APLF: variants seen among roughly 807,000 people sequenced by gnomAD.
APLF encodes aprataxin and PNKP like factor, also known as aprataxin and PNK-like factor.
APLF carries 61 observed loss-of-function variants against 55.6 expected under a neutral mutation model. The ratio of observed to expected loss-of-function variants is 1.10; its 90% CI spans 0.89 to 1.36. APLF has a LOEUF of 1.36. Among genes scored for constraint, APLF ranks in the 40% most tolerant of loss-of-function variants. The probability of loss-of-function intolerance (pLI) is 0.00; values close to 1 mark genes in which losing one functional copy is unlikely to be tolerated. For synonymous variants in APLF, 207 were observed against 214.8 expected, an observed-to-expected ratio of 0.96 and a Z score of 0.32; for missense variants, 611 against 602.5, an observed-to-expected ratio of 1.01 and a Z score of -0.15.
intron 7 of APLF, among the ~76,000 whole-genome samples, chr2:68,538,428 T>G (rs890589913): frequency 1.2e-4 from 19 of 152,180 alleles, no homozygotes; most frequent in Non-Finnish European, 2.5e-4. Flanking sequence ...GTGGGAGAAT[T>G]AAATGTTTTA....
chr2:68,469,561 G>A (rs926672264), intron 1 of APLF, among the ~76,000 whole-genome samples: 1 of 152,170 alleles, frequency 6.6e-6, no homozygotes, highest in African/African-American at 2.4e-5. Context: ...TGCCAAGGTT[G>A]GCGTGTATCA....
chr2:68,502,774 A>G lies in APLF; in HGVS notation c.212A>G (p.Gln71Arg), dbSNP rs185220794. 1.3e-6 allele frequency: 2 copies of G among 1,596,494 alleles called. No homozygotes were observed. The highest frequency in any genetic ancestry group is 1.7e-6 in the Non-Finnish European group (2 of 1,174,418). ...TTTTACCAGTCTTCAGAGAAGAGTC[A>G]GCTCTTACCATTGAAGCCAAATCTA... ...PCFYQSSEKS[Q>R]LLPLKPNLWC... Residue 71 changes from glutamine to arginine, a missense_variant, in exon 3 of 10, where the codon CAG (glutamine) becomes CGG (arginine). By Grantham distance (43) the Gln-to-Arg change is conservative (BLOSUM62 1). Coordinates refer to ENST00000303795, the MANE Select transcript of APLF (RefSeq NM_173545.3).
At chr2:68,537,270 G>A (rs774866920) in intron 6 of APLF, among the ~76,000 whole-genome samples, 18 of 151,312 alleles carry the variant, frequency 1.2e-4, no homozygotes, top group Non-Finnish European at 2.1e-4. Flanking sequence ...GAAAGCAAAT[G>A]TCTTCTCTTA....
intron 4 of APLF, 52 bp from the exon 5 acceptor site, chr2:68,513,496 A>G (rs1478188425): frequency 6.9e-6 from 11 of 1,591,544 alleles, no homozygotes; most frequent in Non-Finnish European, 9.4e-6. Context: ...ATATTTTGCA[A>G]ATTCATTCAA....
intron 8 of APLF, among the ~76,000 whole-genome samples, chr2:68,548,348 T>G (rs964269168): frequency 1.3e-5 from 2 of 151,950 alleles, no homozygotes; most frequent in Non-Finnish European, 2.9e-5. Flanking sequence ...GCAACCCACA[T>G]AATTGACAGT....
intron 8 of APLF, among the ~76,000 whole-genome samples, chr2:68,559,822 T>C (rs1221344480): frequency 6.6e-6 from 1 of 152,178 alleles, no homozygotes; most frequent in Non-Finnish European, 1.5e-5. Context: ...ACTGGAGCAA[T>C]TCTTTAAAGA....
chr2:68,569,137 C>T (rs1375348284), intron 9 of APLF, among the ~76,000 whole-genome samples: 1 of 152,106 alleles, frequency 6.6e-6, no homozygotes, highest in Non-Finnish European at 1.5e-5. Flanking sequence ...CATTTACTCA[C>T]ACATTCACAT....
At chr2:68,489,766 G>A (rs1450087073) in intron 1 of APLF, among the ~76,000 whole-genome samples, 1 of 152,256 alleles carries the variant, frequency 6.6e-6, no homozygotes, top group East Asian at 1.9e-4. Flanking sequence ...AGATCCTCGA[G>A]CATGGGATCT....
At chr2:68,554,817 GA>G (rs913685247) in intron 8 of APLF, among the ~76,000 whole-genome samples, 3 of 149,124 alleles carry the variant, frequency 2.0e-5, no homozygotes, top group African/African-American at 7.4e-5. Context: ...TAGGGTTTTA[GA>G]AAAAAAAATC....
chr2:68,518,345 T>C (rs1669719427), intron 5 of APLF, among the ~76,000 whole-genome samples: 1 of 113,610 alleles, frequency 8.8e-6, no homozygotes, highest in Non-Finnish European at 1.6e-5. Flanking sequence ...TAAATAATTA[T>C]ATATTAATAT....
chr2:68,542,424 A>G (rs1670579333), intron 7 of APLF, among the ~76,000 whole-genome samples: 1 of 152,216 alleles, frequency 6.6e-6, no homozygotes, highest in South Asian at 2.1e-4. Context: ...ATTAATGTCT[A>G]GAATACATAA....
At position 68,467,646 on chromosome 2, in the gene APLF, C is replaced by T; in HGVS notation, c.-86C>T. 2 of 1,110,140 alleles carry T rather than the reference C, an allele frequency of 1.8e-6. No homozygotes were observed. Among genetic ancestry groups the T allele is most frequent in the East Asian group, 3.2e-5 (1 of 31,122 alleles). 68.8% of individuals were successfully genotyped at this position (1,110,140 alleles called of 1,614,324 possible). A position where few individuals can be genotyped will look rare whatever the true frequency, so the allele number is the denominator to read the frequency against. On this transcript the variant is annotated 5_prime_UTR_variant, in exon 1 of 10. Coordinates refer to ENST00000303795, the MANE Select transcript of APLF (RefSeq NM_173545.3). ...CCTCCCTCGGTGTTTTTTCCCAGGG[C>T]GTGGGCTTGCCCCGCGCGTGTCTGT...
chr2:68,561,684 G>T (rs946010192), intron 8 of APLF, among the ~76,000 whole-genome samples: 3 of 152,046 alleles, frequency 2.0e-5, no homozygotes, highest in African/African-American at 7.2e-5. Context: ...AAGATTTAAT[G>T]AGTACTTTGA....
At chr2:68,473,898 G>A (rs1675693542) in intron 1 of APLF, among the ~76,000 whole-genome samples, 1 of 152,114 alleles carries the variant, frequency 6.6e-6, no homozygotes, top group African/African-American at 2.4e-5. Context: ...CATCTATCTG[G>A]AGATAGCATC....
chr2:68,533,065 A>T (rs187298543), intron 6 of APLF, among the ~76,000 whole-genome samples: 1 of 152,250 alleles, frequency 6.6e-6, no homozygotes, highest in East Asian at 1.9e-4. Flanking sequence ...ATCTCTAAAA[A>T]AAAGGTCGGG....
chr2:68,532,221 A>G (rs946057370), intron 6 of APLF, among the ~76,000 whole-genome samples: 2 of 152,214 alleles, frequency 1.3e-5, no homozygotes, highest in African/African-American at 4.8e-5. Context: ...AGGTTCACCT[A>G]TCTATTCTAA....
At chr2:68,557,652 C>A (rs6732827) in intron 8 of APLF, among the ~76,000 whole-genome samples, 1 of 152,100 alleles carries the variant, frequency 6.6e-6, no homozygotes, top group East Asian at 1.9e-4. Flanking sequence ...TGGCTCACAC[C>A]TGTAATCCCA....
chr2:68,547,627 G>A (rs1670742630), intron 8 of APLF, among the ~76,000 whole-genome samples: 2 of 151,618 alleles, frequency 1.3e-5, no homozygotes, highest in South Asian at 4.1e-4. Context: ...ATTATAAGGG[G>A]ATAAGTAGAT....
intron 8 of APLF, among the ~76,000 whole-genome samples, chr2:68,559,668 A>G (rs562030266): frequency 6.6e-6 from 1 of 152,166 alleles, no homozygotes; most frequent in Non-Finnish European, 1.5e-5. Context: ...TATATTAGGA[A>G]CCTGTTCATT....
Sources: allele counts gnomAD v4.1 joint callset (sites outside exome capture counted in the v4.1 genomes callset), GRCh38; gene constraint gnomAD v4.1.1; transcripts MANE v1.5; gene names NCBI Gene and HGNC (gene_info 2026-07-23, HGNC 2026-07-21).